FAM20C: variants seen among roughly 807,000 people sequenced by gnomAD.
FAM20C encodes FAM20C golgi associated secretory pathway kinase.
Under a neutral mutation model 51.5 loss-of-function variants are expected in FAM20C, and 40 were observed. The observed-to-expected ratio is 0.78, with a 90% CI of 0.60 to 1.01. The LOEUF (loss-of-function observed/expected upper bound fraction) is 1.01, where lower values mean the gene tolerates loss of function less well. Among genes scored for constraint, FAM20C ranks in the 50% least tolerant of loss-of-function variants. FAM20C has a pLI of 0.00. For missense variants in FAM20C, 861 were observed against 844.7 expected, an observed-to-expected ratio of 1.02 and a Z score of -0.24; for synonymous variants, 406 against 380.6, an observed-to-expected ratio of 1.07 and a Z score of -0.78.
intron 3 of FAM20C, among the ~76,000 whole-genome samples, chr7:216,706 A>AGTGTGTGT (rs140397697): frequency 1.3e-4 from 19 of 148,406 alleles, no homozygotes; most frequent in East Asian, 2.0e-4. Flanking sequence ...TGTGAGACAG[A>AGTGTGTGT]GTGTGTGTGT....
chr7:213,904 C>T (rs1055886622), intron 3 of FAM20C, among the ~76,000 whole-genome samples: 15 of 152,096 alleles, frequency 9.9e-5, no homozygotes, highest in Admixed American at 5.2e-4. Flanking sequence ...TTGCACGTCC[C>T]GGTGACTAAT....
At chr7:242,940 C>T (rs933337025) in intron 3 of FAM20C, among the ~76,000 whole-genome samples, 12 of 152,192 alleles carry the variant, frequency 7.9e-5, no homozygotes, top group Admixed American at 5.9e-4. Flanking sequence ...ACAGTACCTA[C>T]AAGAAACCTG....
chr7:205,526 C>T (rs1021170352), intron 2 of FAM20C, among the ~76,000 whole-genome samples: 10 of 152,172 alleles, frequency 6.6e-5, no homozygotes, highest in Admixed American at 3.3e-4. Context: ...AGGCATGAGC[C>T]GCCGCACTCG....
chr7:236,757 G>GTTTTCAT (rs1787859685), intron 3 of FAM20C, among the ~76,000 whole-genome samples: 3 of 149,408 alleles, frequency 2.0e-5, no homozygotes, highest in African/African-American at 7.6e-5. Context: ...TGGCTGTCGG[G>GTTTTCAT]GTTTCATGCG....
At chr7:200,319 G>T (rs1786071983) in intron 2 of FAM20C, among the ~76,000 whole-genome samples, 1 of 151,464 alleles carries the variant, frequency 6.6e-6, no homozygotes, top group Non-Finnish European at 1.5e-5. Context: ...CCAATTAGCT[G>T]GACGCCCATG....
chr7:255,829 C>T lies in FAM20C; in HGVS notation c.1073-20C>T, dbSNP rs1487492930. 4.6e-6 allele frequency: 7 copies of T among 1,535,890 alleles called. No homozygotes were observed. Among genetic ancestry groups the T allele is most frequent in the African/African-American group, 2.7e-5 (2 of 72,990 alleles). ...GCAGCCCTGTGCGGCCCTGGTAACC[C>T]GCAGCCTGTCCCTCCCCAGCCAACA... On this transcript the variant is annotated intron_variant, in intron 5 of 9. Transcript: ENST00000313766.
intron 1 of FAM20C, 122 bp downstream of exon 1, chr7:193,926 G>A: frequency 2.2e-6 from 3 of 1,356,494 alleles, no homozygotes; most frequent in Non-Finnish European, 2.9e-6. Context: ...GGAGTGTGGT[G>A]CGGGAGGAGG....
rs547800457 is a variant in FAM20C, at chr7:228,604, G to A, written c.864-17811G>A. On this transcript the variant is annotated intron_variant, in intron 3 of 9. Coordinates refer to ENST00000313766, the MANE Select transcript of FAM20C (RefSeq NM_020223.4). ...CTCCTCTGAGGGCAGCGTTTCCACA[G>A]AGCCGGTGTGAGCCAGGGGAATGAC... The A allele has an allele frequency of 6.1e-5, 28 of 456,288 alleles. No homozygotes were observed. The East Asian group carries it at 1.9e-3, about 32-fold the overall frequency. The allele number at this position is 456,288 out of a possible 1,614,324, so 28.3% of individuals were successfully genotyped here.
At chr7:226,577 G>A (rs1175144160) in intron 3 of FAM20C, among the ~76,000 whole-genome samples, 1 of 152,122 alleles carries the variant, frequency 6.6e-6, no homozygotes, top group East Asian at 1.9e-4. Flanking sequence ...ACCAGGTGGT[G>A]TTAAGAGACT....
Position 193,230 on chromosome 7 carries a change from G to C in FAM20C, c.31G>C (p.Val11Leu), listed in dbSNP as rs1367064980. The C allele has an allele frequency of 1.4e-6, 2 of 1,464,468 alleles. No homozygotes were observed. Among genetic ancestry groups the C allele is most frequent in the East Asian group, 5.8e-5 (2 of 34,692 alleles). The allele number at this position is 1,464,468 out of a possible 1,614,324, so 90.7% of individuals were successfully genotyped here. A position where few individuals can be genotyped will look rare whatever the true frequency, so the allele number is the denominator to read the frequency against. Residue 11 changes from valine to leucine, a missense_variant, in exon 1 of 10, where the codon GTG becomes CTG. This residue lies in a region of FAM20C where 561 missense variants were observed against 499.8 expected (regional missense o/e 1.12). Transcript: ENST00000313766. ...GATGATGCTGGTGCGCCGGTTCCGC[G>C]TGCTCATCCTGATGGTGTTCCTGGT... Reference protein sequence around the residue: MKMMLVRRFRVLILMVFLVAC... With the variant: MKMMLVRRFRLLILMVFLVAC...
chr7:232,453 T>G (rs1188464194), intron 3 of FAM20C, among the ~76,000 whole-genome samples: 1 of 152,188 alleles, frequency 6.6e-6, no homozygotes, highest in African/African-American at 2.4e-5. Flanking sequence ...ACTGGCCATC[T>G]CCGTGACTGT....
chr7:259,525 TG>T (rs1788791814), intron 9 of FAM20C, among the ~76,000 whole-genome samples: 1 of 152,238 alleles, frequency 6.6e-6, no homozygotes, highest in East Asian at 1.9e-4. Flanking sequence ...TGTCTCTGTC[TG>T]TCTGCCTTTC....
intron 3 of FAM20C, among the ~76,000 whole-genome samples, chr7:213,246 T>C (rs888855920): frequency 6.0e-5 from 9 of 149,084 alleles, no homozygotes; most frequent in African/African-American, 2.0e-4. Flanking sequence ...GGCTGTGGAG[T>C]TGTGCAGTGT....
rs1366685864 is a variant in FAM20C at position 257,980 on chromosome 7, C to T, written c.1446-666C>T. On this transcript the variant is annotated intron_variant, in intron 8 of 9. Coordinates refer to ENST00000313766, the MANE Select transcript of FAM20C (RefSeq NM_020223.4). Reference sequence around the variant, plus strand: ...CACTGCCTGAGGTGCTGGAGATAGGCAGTGTGGACCCACTGCCTGGGGTGC... The same window carrying T: ...CACTGCCTGAGGTGCTGGAGATAGGTAGTGTGGACCCACTGCCTGGGGTGC... Among the ~76,000 whole-genome samples the T allele has an allele frequency of 3.5e-4, 33 of 93,368 alleles. 2 individuals are homozygous for T. Among genetic ancestry groups the T allele is most frequent in the African/African-American group, 1.2e-3 (26 of 21,986 alleles). 61.3% of individuals were successfully genotyped at this position (93,368 alleles called of 152,430 possible). A position where few individuals can be genotyped will look rare whatever the true frequency, so the allele number is the denominator to read the frequency against.
Position 246,772 on chromosome 7 carries a change from C to T in FAM20C, c.956+265C>T, listed in dbSNP as rs142399352. ...CCCTGAGCAGGGCCCTCTGTGTCAT[C>T]GTAGCCCACACAACACGCGGTAGGG... is the stretch of plus-strand genomic sequence containing the variant. On this transcript the variant is annotated intron_variant, in intron 4 of 9. Transcript: ENST00000313766. 0.087 allele frequency among the ~76,000 whole-genome samples: 13,243 copies of T among 152,002 alleles called. 679 individuals are homozygous for T. The highest frequency in any genetic ancestry group is 0.098 in the African/African-American group (4,072 of 41,464).
chr7:216,650 T>TGTGAGA (rs1786984954), intron 3 of FAM20C, among the ~76,000 whole-genome samples: 1 of 143,650 alleles, frequency 7.0e-6, no homozygotes, highest in African/African-American at 2.8e-5. Flanking sequence ...TGAGTGTGTG[T>TGTGAGA]GAGTGTGTGT....
chr7:252,510 C>T (rs371864256), intron 5 of FAM20C, among the ~76,000 whole-genome samples: 47 of 150,776 alleles, frequency 3.1e-4, no homozygotes, highest in African/African-American at 7.5e-4. Flanking sequence ...CAGGTGGTCT[C>T]GGAAGCCCTG....
Position 193,280 on chromosome 7 carries a change from G to C in FAM20C, c.81G>C (p.Leu27=). 3 of 1,446,594 alleles carry C rather than the reference G, an allele frequency of 2.1e-6. No homozygotes were observed. Among genetic ancestry groups the C allele is most frequent in the South Asian group, 2.5e-5 (2 of 79,546 alleles). The allele number at this position is 1,446,594 out of a possible 1,614,324, so 89.6% of individuals were successfully genotyped here. A position where few individuals can be genotyped will look rare whatever the true frequency, so the allele number is the denominator to read the frequency against. Reference sequence around the variant, plus strand: ...TGGCCTGCGCGCTGCACATCGCCCTGGACCTGCTGCCCAGGCTGGAGCGAC... The same window carrying C: ...TGGCCTGCGCGCTGCACATCGCCCTCGACCTGCTGCCCAGGCTGGAGCGAC... The part of the protein sequence containing the change: ...FLVACALHIA[L]DLLPRLERRG... Residue 27 remains leucine (L), a synonymous_variant, in exon 1 of 10, where the codon CTG becomes CTC. Coordinates refer to ENST00000313766, the MANE Select transcript of FAM20C (RefSeq NM_020223.4).
chr7:215,231 GGGGGGGAGCAGGGCCCC>G (rs1786905578), intron 3 of FAM20C, among the ~76,000 whole-genome samples: 6 of 124,780 alleles, frequency 4.8e-5, no homozygotes, highest in African/African-American at 5.7e-5. Flanking sequence ...CTCCAGCTGG[GGGGGGGAGCAGGGCCCC>G]TGGTGTATGG....
Sources: gnomAD v4.1 joint callset for allele counts (sites outside exome capture counted in the v4.1 genomes callset) on GRCh38, gnomAD v4.1.1 for gene constraint, gnomAD v4.1.1 regional missense constraint, MANE v1.5 for transcripts, NCBI Gene and HGNC (gene_info 2026-07-23, HGNC 2026-07-21) for gene names.